The following NRXN3 variants were observed in gnomAD, a reference collection of about 807,000 sequenced individuals.
NRXN3 encodes neurexin III.
A neutral mutation model predicts 137.6 loss-of-function variants in NRXN3; 32 were observed. The observed-to-expected ratio is 0.23, with a 90% confidence interval of 0.18 to 0.31. The LOEUF is 0.31. Ranked by LOEUF, NRXN3 falls within the 10% of genes least tolerant of loss-of-function variation. The probability of loss-of-function intolerance (pLI) is 1.00; values close to 1 mark genes in which losing one functional copy is unlikely to be tolerated. For synonymous variants in NRXN3, 798 were observed against 784.5 expected (o/e 1.02, Z -0.29); for missense variants, 1,574 against 2,062.5 (o/e 0.76, Z 4.59).
chr14:78,761,243 CCT>C (rs1486452990), intron 8 of NRXN3, among the ~76,000 whole-genome samples: 1 of 152,150 alleles, frequency 6.6e-6, no homozygotes, highest in Non-Finnish European at 1.5e-5. Context: ...GAAAGAAAAT[CCT>C]CTGTCTCAGA....
chr14:79,697,570 G>C (rs2098740150), intron 18 of NRXN3, 60 bp from the exon 19 acceptor site: 1 of 1,556,854 alleles, frequency 6.4e-7, no homozygotes, highest in East Asian at 2.3e-5. Context: ...ATTCAGACCA[G>C]GTAAGGCAAA....
chr14:79,500,511 G>T (rs1468587636), intron 16 of NRXN3, among the ~76,000 whole-genome samples: 1 of 152,174 alleles, frequency 6.6e-6, no homozygotes, highest in Non-Finnish European at 1.5e-5. Flanking sequence ...TGCATCACTT[G>T]TCAACTATAG....
chr14:79,332,016 T>C (rs1185230138), intron 15 of NRXN3, among the ~76,000 whole-genome samples: 2 of 152,188 alleles, frequency 1.3e-5, no homozygotes, highest in Non-Finnish European at 2.9e-5. Flanking sequence ...TATCTTATAG[T>C]GTTAGCAATT....
At chr14:78,846,204 C>A (rs1410696889) in intron 10 of NRXN3, among the ~76,000 whole-genome samples, 1 of 152,024 alleles carries the variant, frequency 6.6e-6, no homozygotes, top group East Asian at 1.9e-4. Context: ...TTTTAGATGT[C>A]AATTGTGTCC....
intron 6 of NRXN3, among the ~76,000 whole-genome samples, chr14:78,653,054 G>A (rs1566979928): frequency 6.6e-6 from 1 of 152,132 alleles, no homozygotes; most frequent in Non-Finnish European, 1.5e-5. Context: ...TGAGAGGAAG[G>A]GGTAGAAAAG....
chr14:78,417,022 C>T (rs11159359), intron 4 of NRXN3, among the ~76,000 whole-genome samples: 121,902 of 151,670 alleles, frequency 0.8, 50,557 homozygotes, highest in Non-Finnish European at 0.91. Context: ...CTGCTGTAAC[C>T]TTGTAACTGG....
At chr14:78,253,282 G>A (rs926958123) in intron 2 of NRXN3, among the ~76,000 whole-genome samples, 3 of 152,024 alleles carry the variant, frequency 2.0e-5, no homozygotes, top group African/African-American at 7.3e-5. Flanking sequence ...TGGATCATGT[G>A]GCCCTGTTAG....
chr14:79,539,195 A>AT (rs138981401), intron 16 of NRXN3, among the ~76,000 whole-genome samples: 13,668 of 149,644 alleles, frequency 0.091, 791 homozygotes, highest in African/African-American at 0.17. Flanking sequence ...CACCTGGCTA[A>AT]TTTTTTTTTT....
At chr14:79,096,647 C>A (rs536371723) in intron 15 of NRXN3, among the ~76,000 whole-genome samples, 3 of 152,066 alleles carry the variant, frequency 2.0e-5, no homozygotes, top group African/African-American at 4.8e-5. Context: ...AGCCACCATA[C>A]TTGGCTCTCA....
chr14:78,214,475 A>T (rs1298222596), intron 1 of NRXN3, among the ~76,000 whole-genome samples: 1 of 152,136 alleles, frequency 6.6e-6, no homozygotes, highest in African/African-American at 2.4e-5. Context: ...TTTTTCCAAT[A>T]GGCTAAAAGC....
chr14:78,310,346 T>C (rs2077838347), intron 4 of NRXN3, among the ~76,000 whole-genome samples: 1 of 150,650 alleles, frequency 6.6e-6, no homozygotes, highest in African/African-American at 2.5e-5. Flanking sequence ...TTAGAAGTCA[T>C]TGGCTCAGCT....
At chr14:79,153,483 A>G (rs2199792) in intron 15 of NRXN3, among the ~76,000 whole-genome samples, 100,251 of 151,710 alleles carry the variant, frequency 0.66, 33,763 homozygotes, top group East Asian at 0.74. Context: ...TGATCCACCC[A>G]TTGAGCTACT....
intron 15 of NRXN3, among the ~76,000 whole-genome samples, chr14:79,335,023 G>A (rs1459382356): frequency 6.6e-6 from 1 of 152,114 alleles, no homozygotes; most frequent in African/African-American, 2.4e-5. Flanking sequence ...TATTGGGTGT[G>A]GAGGTTACCC....
chr14:79,357,451 A>G (rs1442636221), intron 15 of NRXN3, among the ~76,000 whole-genome samples: 1 of 152,170 alleles, frequency 6.6e-6, no homozygotes, highest in Non-Finnish European at 1.5e-5. Flanking sequence ...AGGGTGGCCA[A>G]TCATTTAAGT....
intron 16 of NRXN3, among the ~76,000 whole-genome samples, chr14:79,473,253 A>C (rs1480531536): frequency 6.6e-6 from 1 of 152,140 alleles, no homozygotes; most frequent in Admixed American, 6.5e-5. Context: ...ATAATATTCT[A>C]TCAGTGTCAT....
At chr14:79,515,531 T>C (rs1213995876) in intron 16 of NRXN3, among the ~76,000 whole-genome samples, 1 of 148,552 alleles carries the variant, frequency 6.7e-6, no homozygotes, top group Non-Finnish European at 1.5e-5. Flanking sequence ...AGATGGCACA[T>C]CACAGTGATC....
intron 10 of NRXN3, among the ~76,000 whole-genome samples, chr14:78,931,582 A>G (rs1473134300): frequency 6.6e-6 from 1 of 151,958 alleles, no homozygotes; most frequent in African/African-American, 2.4e-5. Context: ...ACAGATGAGG[A>G]CCCTGAGAAT....
chr14:79,343,040 G>A (rs549670242), intron 15 of NRXN3, among the ~76,000 whole-genome samples: 3 of 152,154 alleles, frequency 2.0e-5, no homozygotes, highest in Non-Finnish European at 4.4e-5. Context: ...AATGTCTGCT[G>A]TTCCTGGGTG....
chr14:79,470,899 AGAGTGTGTGTGTGTGTGTGTG>A (rs1567213716), intron 16 of NRXN3, among the ~76,000 whole-genome samples: 3 of 141,402 alleles, frequency 2.1e-5, no homozygotes, highest in African/African-American at 9.0e-5. Flanking sequence ...AGAGAGAGAG[AGAGTGTGTGTGTGTGTGTGTG>A]AGAGAGAGAG....
Sources: allele counts gnomAD v4.1 joint callset (sites outside exome capture counted in the v4.1 genomes callset), GRCh38; gene constraint gnomAD v4.1.1; transcripts MANE v1.5; gene names NCBI Gene and HGNC (gene_info 2026-07-23, HGNC 2026-07-21).